The following MCUR1 variants were observed in gnomAD, a reference collection of about 807,000 sequenced individuals.
MCUR1 encodes the protein MCU regulator 1.
A neutral mutation model predicts 42.0 loss-of-function variants in MCUR1; 37 were observed. The ratio of observed to expected loss-of-function variants is 0.88; its 90% confidence interval spans 0.68 to 1.16. MCUR1 has a LOEUF of 1.16. Among genes scored for constraint, MCUR1 ranks in the 50% most tolerant of loss-of-function variants. The pLI is 0.00. For synonymous variants in MCUR1, 229 were observed against 196.2 expected, an observed-to-expected ratio of 1.17 and a Z score of -1.40; for missense variants, 469 against 468.4, an observed-to-expected ratio of 1.00 and a Z score of -0.01.
chr6:13,804,302 G>GA (rs1760061736), intron 2 of MCUR1: 1 of 102,730 alleles, frequency 9.7e-6, no homozygotes, highest in Non-Finnish European at 1.7e-5. Flanking sequence ...CAGCCTGGAT[G>GA]AAAGAGTGAG....
chr6:13,801,608 G>C (rs761009832), intron 3 of MCUR1, among the ~76,000 whole-genome samples: 31 of 152,112 alleles, frequency 2.0e-4, no homozygotes, highest in Non-Finnish European at 4.1e-4. Context: ...CCAATACCTG[G>C]GGAGGCCAAG....
intron 1 of MCUR1, 137 bp downstream of exon 1, chr6:13,813,878 G>A (rs965006299): frequency 5.3e-6 from 5 of 950,438 alleles, no homozygotes; most frequent in South Asian, 5.5e-5. Flanking sequence ...CCCACGCTCC[G>A]GGCAGATGCC....
At chr6:13,802,639 C>T (rs1267021451) in intron 2 of MCUR1, among the ~76,000 whole-genome samples, 3 of 152,084 alleles carry the variant, frequency 2.0e-5, no homozygotes, top group African/African-American at 7.2e-5. Context: ...ACAATGCCGG[C>T]AAGTCAACAT....
chr6:13,795,054 T>C (rs1759825012), intron 6 of MCUR1, among the ~76,000 whole-genome samples: 1 of 150,774 alleles, frequency 6.6e-6, no homozygotes, highest in South Asian at 2.1e-4. Flanking sequence ...AAAAAGTTAA[T>C]CCTTTGAAGT....
Position 13,791,968 on chromosome 6 carries a change from T to A in MCUR1, c.934A>T (p.Thr312Ser), listed in dbSNP as rs765784971. The A allele has an allele frequency of 6.2e-7, 1 of 1,614,064 alleles. No individual in the cohort carries two copies. The highest frequency in any genetic ancestry group is 8.5e-7 in the Non-Finnish European group (1 of 1,179,974). ...GTTTCGATCTTCCTGTCTGTCTGGGTAAGGGCCCGATCTTGCTGGGCATGC... is the reference window on the plus strand; with the variant it reads ...GTTTCGATCTTCCTGTCTGTCTGGGAAAGGGCCCGATCTTGCTGGGCATGC... Reference protein sequence around the residue: ...ALHAQQDRALTQTDRKIETEV... With the variant: ...ALHAQQDRALSQTDRKIETEV... Residue 312 changes from threonine to serine, a missense_variant, in exon 8 of 9, where the codon ACC becomes TCC. Physicochemically the swap from Thr to Ser is moderately conservative, Grantham distance 58 (BLOSUM62 1). Transcript: ENST00000379170.
chr6:13,791,919 A>G lies in MCUR1; in HGVS notation c.983T>C (p.Met328Thr), dbSNP rs1271705247. 1.9e-6 allele frequency: 3 copies of G among 1,613,936 alleles called. No individual in the cohort carries two copies. Among genetic ancestry groups the G allele is most frequent in the African/African-American group, 2.7e-5 (2 of 74,926 alleles). The change falls in exon 8 of 9, where the codon ATG becomes ACG. Residue 328 changes from methionine to threonine, a missense_variant. Coordinates refer to ENST00000379170, the MANE Select transcript of MCUR1 (RefSeq NM_001031713.4). ...ATTATCAAGCTTGTGTGACTCAAGC[A>G]TGGTTTTGAGGCCAGCAACCTCAGT... is the stretch of plus-strand genomic sequence containing the variant. ...IETEVAGLKT[M>T]LESHKLDNIK...
intron 1 of MCUR1, among the ~76,000 whole-genome samples, chr6:13,812,077 G>T (rs1030689881): frequency 1.3e-5 from 2 of 152,054 alleles, no homozygotes; most frequent in Non-Finnish European, 2.9e-5. Flanking sequence ...TGATCATAAG[G>T]AAGCGAGCCA....
At chr6:13,801,098 G>C (rs541253105) in intron 4 of MCUR1, among the ~76,000 whole-genome samples, 190 bp downstream of exon 4, 1 of 152,296 alleles carries the variant, frequency 6.6e-6, no homozygotes, top group African/African-American at 2.4e-5. Context: ...CTCTGGGGCA[G>C]GAGCAACTGA....
intron 1 of MCUR1, among the ~76,000 whole-genome samples, chr6:13,809,588 C>T (rs1221936605): frequency 1.3e-5 from 2 of 151,814 alleles, no homozygotes; most frequent in Non-Finnish European, 2.9e-5. Flanking sequence ...TTATGAACTG[C>T]TAAAATCTTT....
intron 2 of MCUR1, among the ~76,000 whole-genome samples, chr6:13,802,799 T>C (rs753469022): frequency 5.3e-5 from 8 of 152,238 alleles, no homozygotes; most frequent in South Asian, 2.1e-4. Context: ...AATTTTATAA[T>C]GTGTACATTA....
At chr6:13,806,265 GAAAAAGA>G (rs553681295) in intron 2 of MCUR1, among the ~76,000 whole-genome samples, 171 of 151,346 alleles carry the variant, frequency 1.1e-3, no homozygotes, top group African/African-American at 3.8e-3. Flanking sequence ...AAAAAAGAAA[GAAAAAGA>G]AAAAAGAAAA....
intron 6 of MCUR1, among the ~76,000 whole-genome samples, chr6:13,797,024 G>C (rs756223107): frequency 1.3e-5 from 2 of 152,198 alleles, no homozygotes; most frequent in East Asian, 1.9e-4. Flanking sequence ...GACTGTTGTT[G>C]TAAGACTAGA....
At position 13,790,976 on chromosome 6, in the gene MCUR1, C is replaced by T. The variant is rs927288991; in HGVS notation, c.1025-112G>A. On this transcript the variant is annotated intron_variant, in intron 8 of 8. Coordinates refer to ENST00000379170, the MANE Select transcript of MCUR1 (RefSeq NM_001031713.4). ...AAAACCTAGAAACTTAGATTGCTCA[C>T]TGATGTCCCATATTCCGTGAAACGC... The T allele has an allele frequency of 6.7e-5, 48 of 720,290 alleles. No individual in the cohort carries two copies. The African/African-American group carries it at 7.7e-4, about 12-fold the overall frequency. The allele number at this position is 720,290 out of a possible 1,614,324, so 44.6% of individuals were successfully genotyped here. A position where few individuals can be genotyped will look rare whatever the true frequency, so the allele number is the denominator to read the frequency against.
intron 6 of MCUR1, among the ~76,000 whole-genome samples, chr6:13,795,515 A>T (rs1328866929): frequency 1.3e-5 from 2 of 152,250 alleles, no homozygotes; most frequent in Non-Finnish European, 2.9e-5. Context: ...AACTTTACCG[A>T]AAGAACGAGA....
intron 1 of MCUR1, among the ~76,000 whole-genome samples, chr6:13,808,596 A>C (rs1188194478): frequency 1.3e-5 from 2 of 152,186 alleles, no homozygotes; most frequent in East Asian, 3.8e-4. Flanking sequence ...TAGGTAATCC[A>C]AGTACATGAA....
Position 13,814,510 on chromosome 6 carries a change from C to A in MCUR1, c.-81G>T. On this transcript the variant is annotated 5_prime_UTR_variant, in exon 1 of 9. Coordinates refer to ENST00000379170, the MANE Select transcript of MCUR1 (RefSeq NM_001031713.4). Reference sequence around the variant, plus strand: ...GCCACGCGCGGTCCAGGCCCAGAGTCCGACAGCGGGAGCGAGCGTGGGCCA... The same window carrying A: ...GCCACGCGCGGTCCAGGCCCAGAGTACGACAGCGGGAGCGAGCGTGGGCCA... 1 of 1,332,908 alleles carries A rather than the reference C, an allele frequency of 7.5e-7. No homozygotes were observed. The allele number at this position is 1,332,908 out of a possible 1,614,324, so 82.6% of individuals were successfully genotyped here.
At chr6:13,792,875 T>C (rs1759762243) in intron 7 of MCUR1, among the ~76,000 whole-genome samples, 1 of 152,108 alleles carries the variant, frequency 6.6e-6, no homozygotes. Context: ...TTCCATACAG[T>C]ATGGAAAAGG....
chr6:13,794,172 C>G (rs937639530), intron 6 of MCUR1, among the ~76,000 whole-genome samples: 1 of 151,156 alleles, frequency 6.6e-6, no homozygotes, highest in African/African-American at 2.4e-5. Flanking sequence ...AGGCTGGTCT[C>G]AAACTTCTGA....
intron 7 of MCUR1, 51 bp downstream of exon 7, chr6:13,793,843 G>T: frequency 1.3e-6 from 2 of 1,502,848 alleles, no homozygotes; most frequent in Non-Finnish European, 9.2e-7. Flanking sequence ...TGCATGGAAC[G>T]AAGCAAAGAT....
Sources: gnomAD v4.1 joint callset for allele counts (sites outside exome capture counted in the v4.1 genomes callset) on GRCh38, gnomAD v4.1.1 for gene constraint, MANE v1.5 for transcripts, NCBI Gene and HGNC (gene_info 2026-07-23, HGNC 2026-07-21) for gene names.